The following CWH43 variants were observed in gnomAD, a reference collection of about 807,000 sequenced individuals.
CWH43 encodes the protein cell wall biogenesis 43 C-terminal homolog.
CWH43 carries 91 observed loss-of-function variants against 85.7 expected under a neutral mutation model. The observed-to-expected ratio is 1.06, with a 90% CI of 0.90 to 1.26. CWH43 has a LOEUF of 1.26. Ranked by LOEUF, CWH43 falls within the 50% of genes most tolerant of loss-of-function variation. The probability of loss-of-function intolerance (pLI) is 0.00; values close to 1 mark genes in which losing one functional copy is unlikely to be tolerated. For missense variants in CWH43, 869 were observed against 839.2 expected (o/e 1.04, Z -0.44); for synonymous variants, 323 against 293.6 (o/e 1.10, Z -1.02).
intron 9 of CWH43, among the ~76,000 whole-genome samples, chr4:49,019,280 G>A (rs1783662080): frequency 1.3e-5 from 2 of 152,306 alleles, no homozygotes; most frequent in South Asian, 4.1e-4. Flanking sequence ...TGGGGGATTA[G>A]AGAAAACTGT....
chr4:49,004,023 TA>T, intron 7 of CWH43, 31 bp downstream of exon 7: 1 of 1,573,900 alleles, frequency 6.4e-7, no homozygotes, highest in Non-Finnish European at 8.6e-7. Context: ...TGGATTAAAA[TA>T]ATTGCTCAAA....
chr4:48,997,218 C>G (rs1357452468), intron 5 of CWH43, among the ~76,000 whole-genome samples: 3 of 127,364 alleles, frequency 2.4e-5, no homozygotes, highest in Non-Finnish European at 5.2e-5. Context: ...ACCTGGCTAA[C>G]TTAAAACTTT....
At chr4:49,005,078 TTG>T (rs1037982523) in intron 7 of CWH43, among the ~76,000 whole-genome samples, 1 of 152,110 alleles carries the variant, frequency 6.6e-6, no homozygotes, top group African/African-American at 2.4e-5. Flanking sequence ...AGGGATCTAC[TTG>T]TTTGTTTGTT....
intron 5 of CWH43, among the ~76,000 whole-genome samples, chr4:48,997,448 T>G (rs968060068): frequency 1.1e-4 from 17 of 152,178 alleles, no homozygotes; most frequent in Non-Finnish European, 2.9e-5. Context: ...TGTTCATTGA[T>G]GCATCCCAAA....
intron 15 of CWH43, among the ~76,000 whole-genome samples, chr4:49,053,139 A>G (rs1442098568): frequency 1.3e-5 from 2 of 152,152 alleles, no homozygotes; most frequent in Non-Finnish European, 2.9e-5. Flanking sequence ...GCTGAATACT[A>G]TTCCATACAT....
intron 9 of CWH43, among the ~76,000 whole-genome samples, chr4:49,024,470 T>C (rs755674681): frequency 6.6e-6 from 1 of 152,182 alleles, no homozygotes; most frequent in Admixed American, 6.5e-5. Flanking sequence ...TTATGGAGAT[T>C]CTATTTTGGT....
At position 48,986,309 on chromosome 4, in the gene CWH43, G is replaced by C; in HGVS notation, c.-121G>C. On this transcript the variant is annotated 5_prime_UTR_variant, in exon 1 of 16. Transcript: ENST00000226432. ...GGGCTCACTTGGCAACGGGACGCGG[G>C]AACGAGGGGCGCGGACGCAGGCCCG... 1 of 971,736 alleles carries C rather than the reference G, an allele frequency of 1.0e-6. No individual in the cohort carries two copies. Among genetic ancestry groups the C allele is most frequent in the Non-Finnish European group, 1.5e-6 (1 of 671,598 alleles). 60.2% of individuals were successfully genotyped at this position (971,736 alleles called of 1,614,324 possible).
intron 11 of CWH43, among the ~76,000 whole-genome samples, chr4:49,031,894 G>A (rs1385151472): frequency 2.0e-5 from 3 of 152,236 alleles, no homozygotes; most frequent in African/African-American, 7.2e-5. Context: ...GGAACCATCA[G>A]GAGACCTTTA....
chr4:49,007,354 A>C, intron 8 of CWH43, 28 bp downstream of exon 8: 1 of 1,508,824 alleles, frequency 6.6e-7, no homozygotes, highest in Non-Finnish European at 8.8e-7. Flanking sequence ...TTCTTAAAAA[A>C]AATTAATTAT....
intron 2 of CWH43, 114 bp downstream of exon 2, chr4:48,988,782 T>C: frequency 1.5e-6 from 1 of 685,402 alleles, no homozygotes; most frequent in Non-Finnish European, 2.3e-6. Context: ...CAAAGATTTC[T>C]CTTTTCCTTA....
chr4:48,986,314 A>G lies in CWH43; in HGVS notation c.-116A>G. The G allele has an allele frequency of 1.0e-6, 1 of 998,190 alleles. No homozygotes were observed. The highest frequency in any genetic ancestry group is 1.4e-6 in the Non-Finnish European group (1 of 693,426). The allele number at this position is 998,190 out of a possible 1,614,324, so 61.8% of individuals were successfully genotyped here. A position where few individuals can be genotyped will look rare whatever the true frequency, so the allele number is the denominator to read the frequency against. On this transcript the variant is annotated 5_prime_UTR_variant, in exon 1 of 16. Coordinates refer to ENST00000226432, the MANE Select transcript of CWH43 (RefSeq NM_025087.3). ...CACTTGGCAACGGGACGCGGGAACG[A>G]GGGGCGCGGACGCAGGCCCGGGAGG...
chr4:49,041,617 T>G (rs2109825527), intron 13 of CWH43, among the ~76,000 whole-genome samples: 1 of 152,346 alleles, frequency 6.6e-6, no homozygotes, highest in Admixed American at 6.5e-5. Flanking sequence ...TTTGCTGAAG[T>G]TGCTCATCCG....
In CWH43 at chr4:48,992,199, T is replaced by A; in HGVS notation, c.511+109T>A. ...AAAAGTAGTCTTTCTGCATTATATC[T>A]ATATTTCAGCTTTTTCTTCCTCTGA... On this transcript the variant is annotated intron_variant, in intron 4 of 15. Coordinates refer to ENST00000226432, the MANE Select transcript of CWH43 (RefSeq NM_025087.3). The surrounding 1 kb of genome is among the most constrained non-coding windows in gnomAD (Gnocchi z 4.3). 1 of 963,112 alleles carries A rather than the reference T, an allele frequency of 1.0e-6. No homozygotes were observed. The highest frequency in any genetic ancestry group is 1.5e-6 in the Non-Finnish European group (1 of 650,868). The allele number at this position is 963,112 out of a possible 1,614,324, so 59.7% of individuals were successfully genotyped here. A position where few individuals can be genotyped will look rare whatever the true frequency, so the allele number is the denominator to read the frequency against.
At chr4:49,009,225 C>T (rs564203575) in intron 8 of CWH43, among the ~76,000 whole-genome samples, 1 of 152,196 alleles carries the variant, frequency 6.6e-6, no homozygotes, top group Non-Finnish European at 1.5e-5. Flanking sequence ...GTATTTTATT[C>T]TCTTTGTAGC....
intron 15 of CWH43, among the ~76,000 whole-genome samples, chr4:49,055,354 C>T (rs1784917131): frequency 6.6e-6 from 1 of 152,116 alleles, no homozygotes; most frequent in South Asian, 2.1e-4. Flanking sequence ...AAGGAAAAAT[C>T]CCCCTTGATC....
Position 49,032,548 on chromosome 4 carries a change from CTT to C in CWH43, c.1509-15_1509-14del. 6.2e-7 allele frequency: 1 copy of C among 1,613,474 alleles called. No homozygotes were observed. Among genetic ancestry groups the C allele is most frequent in the Middle Eastern group, 1.7e-4 (1 of 6,056 alleles). On this transcript the variant is annotated splice_polypyrimidine_tract_variant and intron_variant, in intron 11 of 15. Transcript: ENST00000226432. ...GGGACTGACAATGATGCCCATGTCT[CTT>C]TTCATTCCAATACAGGATTATGGCT...
chr4:49,060,704 A>G (rs1231377775), intron 15 of CWH43, among the ~76,000 whole-genome samples: 3 of 152,178 alleles, frequency 2.0e-5, no homozygotes, highest in East Asian at 1.9e-4. Context: ...TTCAAATGCT[A>G]TAATCTCTCA....
intron 13 of CWH43, among the ~76,000 whole-genome samples, chr4:49,044,360 C>A (rs1440599693): frequency 6.6e-6 from 1 of 152,124 alleles, no homozygotes; most frequent in South Asian, 2.1e-4. Context: ...TCCCTCTGTG[C>A]AGGTGTGGGA....
chr4:49,024,276 G>C (rs1462689848), intron 9 of CWH43, among the ~76,000 whole-genome samples: 1 of 152,144 alleles, frequency 6.6e-6, no homozygotes, highest in African/African-American at 2.4e-5. Context: ...CAGGAACTTG[G>C]TTGGTAAATT....
Sources: allele counts gnomAD v4.1 joint callset (sites outside exome capture counted in the v4.1 genomes callset), GRCh38; gene constraint gnomAD v4.1.1; non-coding constraint Gnocchi (gnomAD v3.1); transcripts MANE v1.5; gene names NCBI Gene and HGNC (gene_info 2026-07-23, HGNC 2026-07-21).